LRP1B: variants seen among roughly 807,000 people sequenced by gnomAD.
LRP1B encodes the protein low-density lipoprotein receptor-related protein 1B.
LRP1B carries 217 observed loss-of-function variants against 556.6 expected under a neutral mutation model. The ratio of observed to expected loss-of-function variants is 0.39; its 90% CI spans 0.35 to 0.44. The LOEUF (loss-of-function observed/expected upper bound fraction) is 0.44. Ranked by LOEUF, LRP1B falls within the 20% of genes least tolerant of loss-of-function variation. The pLI is 1.00. For synonymous variants in LRP1B, 2,047 were observed against 1,865.8 expected, an observed-to-expected ratio of 1.10 and a Z score of -2.50; for missense variants, 5,053 against 5,620.8, an observed-to-expected ratio of 0.90 and a Z score of 3.23.
intron 2 of LRP1B, among the ~76,000 whole-genome samples, chr2:141,559,240 G>A (rs930180783): frequency 2.6e-5 from 4 of 151,392 alleles, no homozygotes; most frequent in Non-Finnish European, 5.9e-5. Flanking sequence ...TATTTTTCCA[G>A]AAATTTGTTA....
intron 34 of LRP1B, 103 bp downstream of exon 34, chr2:140,770,778 T>G: frequency 1.1e-6 from 1 of 919,974 alleles, no homozygotes; most frequent in Non-Finnish European, 1.6e-6. Flanking sequence ...ACTAGTTAAT[T>G]TTTTTCTAAT....
At chr2:141,017,113 T>C (rs1289870897) in intron 12 of LRP1B, among the ~76,000 whole-genome samples, 1 of 152,094 alleles carries the variant, frequency 6.6e-6, no homozygotes, top group African/African-American at 2.4e-5. Flanking sequence ...GAAATAAACA[T>C]GGAAATATTT....
chr2:141,107,935 T>C (rs1026395875), intron 7 of LRP1B, among the ~76,000 whole-genome samples: 2 of 152,136 alleles, frequency 1.3e-5, no homozygotes, highest in Non-Finnish European at 2.9e-5. Context: ...ACATTTTTAA[T>C]ACACAGTTGG....
chr2:140,733,732 A>G (rs1559084061), intron 35 of LRP1B, among the ~76,000 whole-genome samples: 1 of 152,170 alleles, frequency 6.6e-6, no homozygotes, highest in Admixed American at 6.5e-5. Context: ...ATAGGAGGAA[A>G]CTTTCTAAAG....
chr2:140,381,908 A>G (rs1158130970), intron 67 of LRP1B, among the ~76,000 whole-genome samples: 1 of 151,268 alleles, frequency 6.6e-6, no homozygotes, highest in African/African-American at 2.4e-5. Flanking sequence ...AACAAAATAC[A>G]GGGGCATCAT....
intron 77 of LRP1B, among the ~76,000 whole-genome samples, chr2:140,344,235 G>A (rs754612740): frequency 2.0e-5 from 3 of 151,736 alleles, no homozygotes; most frequent in South Asian, 2.1e-4. Context: ...TCACTTTTTG[G>A]CATTCTGACT....
chr2:140,688,807 C>T (rs1224624523), intron 41 of LRP1B, among the ~76,000 whole-genome samples: 1 of 152,166 alleles, frequency 6.6e-6, no homozygotes, highest in Non-Finnish European at 1.5e-5. Flanking sequence ...AGACTTGTGG[C>T]CTGGTTACTC....
intron 1 of LRP1B, among the ~76,000 whole-genome samples, chr2:141,932,205 A>T (rs959258865): frequency 1.3e-5 from 2 of 152,066 alleles, no homozygotes; most frequent in African/African-American, 2.4e-5. Flanking sequence ...GTAGTACTTC[A>T]TATTTCTTGA....
intron 1 of LRP1B, among the ~76,000 whole-genome samples, chr2:141,980,139 C>A (rs770328115): frequency 6.6e-6 from 1 of 152,124 alleles, no homozygotes; most frequent in Non-Finnish European, 1.5e-5. Context: ...AGAAGCTGAA[C>A]TGCTTACTCT....
At chr2:142,032,847 C>T (rs1163129708) in intron 1 of LRP1B, among the ~76,000 whole-genome samples, 3 of 151,736 alleles carry the variant, frequency 2.0e-5, no homozygotes, top group Non-Finnish European at 1.5e-5. Context: ...ATCATTCTAT[C>T]CCCTTCCCTT....
chr2:141,219,647 A>T (rs1193556567), intron 6 of LRP1B, among the ~76,000 whole-genome samples: 2 of 152,120 alleles, frequency 1.3e-5, no homozygotes, highest in African/African-American at 4.8e-5. Flanking sequence ...CATCCCAACA[A>T]GGGCCATGAG....
chr2:140,280,130 G>C (rs983529492), intron 84 of LRP1B, among the ~76,000 whole-genome samples: 1 of 151,732 alleles, frequency 6.6e-6, no homozygotes, highest in Non-Finnish European at 1.5e-5. Context: ...AAAAATAAAG[G>C]AGACAGTAGG....
chr2:140,597,691 G>T (rs1682498624), intron 43 of LRP1B, among the ~76,000 whole-genome samples: 1 of 152,088 alleles, frequency 6.6e-6, no homozygotes, highest in African/African-American at 2.4e-5. Flanking sequence ...TATAGAATTT[G>T]CTGATTTGTT....
intron 2 of LRP1B, among the ~76,000 whole-genome samples, chr2:141,659,957 A>C (rs1007371830): frequency 6.6e-6 from 1 of 152,182 alleles, no homozygotes; most frequent in African/African-American, 2.4e-5. Flanking sequence ...AAGGCATAGA[A>C]GATAAATTAG....
intron 41 of LRP1B, among the ~76,000 whole-genome samples, chr2:140,642,883 C>T (rs1313408163): frequency 6.6e-6 from 1 of 151,984 alleles, no homozygotes; most frequent in Non-Finnish European, 1.5e-5. Context: ...AAAAAATGGA[C>T]TAAGAATATT....
intron 32 of LRP1B, among the ~76,000 whole-genome samples, chr2:140,781,679 ACG>A (rs1689702938): frequency 6.6e-6 from 1 of 152,196 alleles, no homozygotes; most frequent in Admixed American, 6.5e-5. Context: ...GAAAATAGTC[ACG>A]GTTCAATTCT....
chr2:142,020,065 A>G (rs1027485250), intron 1 of LRP1B, among the ~76,000 whole-genome samples: 1 of 152,202 alleles, frequency 6.6e-6, no homozygotes, highest in East Asian at 1.9e-4. Context: ...TGTAATCTCC[A>G]AGAAAGAAAA....
chr2:140,355,696 C>A (rs549810080), intron 75 of LRP1B, among the ~76,000 whole-genome samples: 4 of 151,984 alleles, frequency 2.6e-5, no homozygotes, highest in Admixed American at 6.6e-5. Flanking sequence ...AATATGAATA[C>A]AAATAGCAGT....
intron 1 of LRP1B, among the ~76,000 whole-genome samples, chr2:141,976,879 C>T (rs1701901591): frequency 6.6e-6 from 1 of 152,040 alleles, no homozygotes; most frequent in Non-Finnish European, 1.5e-5. Context: ...GATAAAAGAA[C>T]TGTTATACTT....
Sources: allele counts gnomAD v4.1 joint callset (sites outside exome capture counted in the v4.1 genomes callset), GRCh38; gene constraint gnomAD v4.1.1; transcripts MANE v1.5; gene names NCBI Gene and HGNC (gene_info 2026-07-23, HGNC 2026-07-21).